SDC2: variants seen among roughly 807,000 people sequenced by gnomAD.
SDC2 encodes the protein syndecan 2.
Under a neutral mutation model 22.2 loss-of-function variants are expected in SDC2, and 13 were observed. That is an observed-to-expected ratio of 0.59 (90% CI 0.38 to 0.93). The LOEUF (loss-of-function observed/expected upper bound fraction) is 0.93, where lower values mean the gene tolerates loss of function less well. Among genes scored for constraint, SDC2 ranks in the 40% least tolerant of loss-of-function variants. The probability of loss-of-function intolerance (pLI) is 0.00; values close to 1 mark genes in which losing one functional copy is unlikely to be tolerated. For synonymous variants in SDC2, 94 were observed against 92.8 expected (o/e 1.01, Z -0.07); for missense variants, 235 against 246.8 (o/e 0.95, Z 0.32).
At position 96,587,250 on chromosome 8, in the gene SDC2, T is replaced by C. The variant is rs144325004; in HGVS notation, c.61-6230T>C. ...AAAGACCTTTCTTAAGAATTTCTTA[T>C]GTAGGGAGGGTTAAGAATTTTCTTT... On this transcript the variant is annotated intron_variant, in intron 1 of 4. Coordinates refer to ENST00000302190, the MANE Select transcript of SDC2 (RefSeq NM_002998.4). Among the ~76,000 whole-genome samples the C allele has an allele frequency of 2.6e-5, 4 of 152,312 alleles. No homozygotes were observed. In the East Asian group the frequency reaches 7.7e-4, roughly 29 times the overall value.
At chr8:96,606,345 A>G (rs182381579) in intron 3 of SDC2, among the ~76,000 whole-genome samples, 70 of 152,204 alleles carry the variant, frequency 4.6e-4, no homozygotes, top group Non-Finnish European at 3.7e-4. Flanking sequence ...TGGGCTCCCT[A>G]CCCAGCCACC....
intron 1 of SDC2, among the ~76,000 whole-genome samples, chr8:96,575,284 C>A (rs567785595): frequency 6.7e-6 from 1 of 149,276 alleles, no homozygotes. Context: ...ACACAGGTAA[C>A]GAATGAAAAA....
intron 1 of SDC2, among the ~76,000 whole-genome samples, chr8:96,499,204 T>C (rs981929628): frequency 1.3e-5 from 2 of 152,220 alleles, no homozygotes; most frequent in Non-Finnish European, 2.9e-5. Context: ...AAATGCAAGC[T>C]CCAAATACCT....
intron 1 of SDC2, 143 bp downstream of exon 1, chr8:96,494,474 G>C: frequency 2.8e-6 from 2 of 724,344 alleles, no homozygotes; most frequent in Non-Finnish European, 4.3e-6. Flanking sequence ...AAATGCGCTC[G>C]TCCGGTCACC....
intron 1 of SDC2, 27 bp from the exon 2 acceptor site, chr8:96,593,453 C>T: frequency 2.0e-6 from 3 of 1,488,352 alleles, no homozygotes; most frequent in Non-Finnish European, 2.8e-6. Context: ...TCTCAACATC[C>T]TGACTCCCTT....
At chr8:96,555,299 CT>C (rs1814091275) in intron 1 of SDC2, among the ~76,000 whole-genome samples, 1 of 152,034 alleles carries the variant, frequency 6.6e-6, no homozygotes, top group African/African-American at 2.4e-5. Context: ...ACTTTGTTTC[CT>C]TTCTTAGACC....
At chr8:96,607,410 C>T (rs1257981669) in intron 3 of SDC2, among the ~76,000 whole-genome samples, 5 of 152,120 alleles carry the variant, frequency 3.3e-5, no homozygotes, top group Admixed American at 6.5e-5. Flanking sequence ...ATTGACAGTG[C>T]TGTGACATGG....
At chr8:96,577,565 C>G (rs764831532) in intron 1 of SDC2, among the ~76,000 whole-genome samples, 13 of 151,872 alleles carry the variant, frequency 8.6e-5, no homozygotes, top group East Asian at 1.9e-4. Context: ...GATTAATGAA[C>G]CAACATTGAT....
chr8:96,577,505 C>T (rs981292184), intron 1 of SDC2, among the ~76,000 whole-genome samples: 1 of 152,068 alleles, frequency 6.6e-6, no homozygotes, highest in Non-Finnish European at 1.5e-5. Context: ...CCCCATTTCA[C>T]CTCTTACTGT....
Position 96,609,942 on chromosome 8 carries a change from C to T in SDC2, c.*394C>T, listed in dbSNP as rs1456188656. 1 of 155,150 alleles carries T rather than the reference C, an allele frequency of 6.4e-6. No individual in the cohort carries two copies. Among genetic ancestry groups the T allele is most frequent in the African/African-American group, 2.4e-5 (1 of 41,558 alleles). 9.6% of individuals were successfully genotyped at this position (155,150 alleles called of 1,614,324 possible). A position where few individuals can be genotyped will look rare whatever the true frequency, so the allele number is the denominator to read the frequency against. On this transcript the variant is annotated 3_prime_UTR_variant, in exon 5 of 5. Coordinates refer to ENST00000302190, the MANE Select transcript of SDC2 (RefSeq NM_002998.4). ...CTTACTTTGTTAATTTATCTGTTGT[C>T]CCCTTCCTCTCCTCTGCCCTCCCTT...
intron 1 of SDC2, among the ~76,000 whole-genome samples, chr8:96,508,994 G>A (rs1440550977): frequency 7.0e-6 from 1 of 142,066 alleles, no homozygotes. Flanking sequence ...AATCTTCCAG[G>A]TCACTGATAT....
Position 96,518,272 on chromosome 8 carries a change from G to GAA in SDC2, c.60+23949_60+23950dup, listed in dbSNP as rs201146781. Reference sequence around the variant, plus strand: ...TTTTAATGGTAAAAAATGCCTGACAGAAAAAAAAAGAAAAACCCAAGACTT... The same window carrying GAA: ...TTTTAATGGTAAAAAATGCCTGACAGAAAAAAAAAAAGAAAAACCCAAGACTT... On this transcript the variant is annotated intron_variant, in intron 1 of 4. Coordinates refer to ENST00000302190, the MANE Select transcript of SDC2 (RefSeq NM_002998.4). 4.1e-5 allele frequency among the ~76,000 whole-genome samples: 6 copies of GAA among 148,052 alleles called. No individual in the cohort carries two copies. In the South Asian group the frequency reaches 1.3e-3, roughly 32 times the overall value.
At chr8:96,543,850 T>C (rs991094248) in intron 1 of SDC2, among the ~76,000 whole-genome samples, 2 of 152,250 alleles carry the variant, frequency 1.3e-5, no homozygotes, top group Non-Finnish European at 2.9e-5. Flanking sequence ...TTTATAATTT[T>C]TCAAAGTTAT....
chr8:96,509,036 C>G lies in SDC2; in HGVS notation c.60+14705C>G, dbSNP rs1372034147. ...TTCTTTACCAACTTTTAGCATATTG[C>G]TTTAATGGCTTCTCTCTGCAAACTT... On this transcript the variant is annotated intron_variant, in intron 1 of 4. Coordinates refer to ENST00000302190, the MANE Select transcript of SDC2 (RefSeq NM_002998.4). 1.4e-5 allele frequency among the ~76,000 whole-genome samples: 2 copies of G among 142,210 alleles called. 1 individual carries two copies. Among genetic ancestry groups the G allele is most frequent in the Non-Finnish European group, 3.2e-5 (2 of 62,438 alleles). 93.3% of individuals were successfully genotyped at this position (142,210 alleles called of 152,430 possible). A position where few individuals can be genotyped will look rare whatever the true frequency, so the allele number is the denominator to read the frequency against.
intron 1 of SDC2, among the ~76,000 whole-genome samples, chr8:96,522,645 G>A (rs1813514272): frequency 6.6e-6 from 1 of 152,160 alleles, no homozygotes; most frequent in African/African-American, 2.4e-5. Context: ...AGTTATTCTA[G>A]TTTATGGGAT....
intron 1 of SDC2, among the ~76,000 whole-genome samples, chr8:96,572,148 G>A (rs1235189941): frequency 6.6e-6 from 1 of 152,136 alleles, no homozygotes; most frequent in Non-Finnish European, 1.5e-5. Flanking sequence ...GCTTTTCCTG[G>A]AGCAGGGGGT....
chr8:96,570,621 T>G (rs1231539692), intron 1 of SDC2, among the ~76,000 whole-genome samples: 1 of 152,200 alleles, frequency 6.6e-6, no homozygotes, highest in Non-Finnish European at 1.5e-5. Flanking sequence ...ACGAGGTGCA[T>G]GTGTCCATTG....
rs189943093 is a variant in SDC2, at chr8:96,579,196, G to A, written c.61-14284G>A. ...GATTTCAATTCTGTATTCGTTTTAT[G>A]TATGGCATTTTAATAAAGTCTTAAT... On this transcript the variant is annotated intron_variant, in intron 1 of 4. Coordinates refer to ENST00000302190, the MANE Select transcript of SDC2 (RefSeq NM_002998.4). Among the ~76,000 whole-genome samples, 153 of 152,324 alleles carry A rather than the reference G, an allele frequency of 1.0e-3. 1 individual carries two copies. Among genetic ancestry groups the A allele is most frequent in the African/African-American group, 3.4e-3 (140 of 41,580 alleles).
At chr8:96,565,084 A>ATTTTTTTTCTTTTTTTTTTTTTTTTTTTT (rs1814274194) in intron 1 of SDC2, among the ~76,000 whole-genome samples, 1 of 67,800 alleles carries the variant, frequency 1.5e-5, no homozygotes, top group Non-Finnish European at 2.9e-5. Flanking sequence ...CCTAAATTTG[A>ATTTTTTTTCTTTTTTTTTTTTTTTTTTTT]TTTTTTTTTT....
Sources: allele counts gnomAD v4.1 joint callset (sites outside exome capture counted in the v4.1 genomes callset), GRCh38; gene constraint gnomAD v4.1.1; transcripts MANE v1.5; gene names NCBI Gene and HGNC (gene_info 2026-07-23, HGNC 2026-07-21).